RDX: variants seen among roughly 807,000 people sequenced by gnomAD.
The protein encoded by RDX is deafness, autosomal recessive 24.
In RDX, 32 loss-of-function variants were observed where a neutral mutation model predicts 83.7. The observed-to-expected ratio is 0.38, with a 90% confidence interval of 0.29 to 0.51. The LOEUF (loss-of-function observed/expected upper bound fraction) is 0.51, where lower values mean the gene tolerates loss of function less well. RDX is among the 20% of genes least tolerant of loss of function. The probability of loss-of-function intolerance (pLI) is 0.87; values close to 1 mark genes in which losing one functional copy is unlikely to be tolerated. For synonymous variants in RDX, 229 were observed against 222.7 expected, an observed-to-expected ratio of 1.03 and a Z score of -0.25; for missense variants, 600 against 689.9, an observed-to-expected ratio of 0.87 and a Z score of 1.46.
At chr11:110,283,689 G>A (rs557494604) in intron 1 of RDX, among the ~76,000 whole-genome samples, 14 of 151,944 alleles carry the variant, frequency 9.2e-5, no homozygotes, top group African/African-American at 2.9e-4. Flanking sequence ...GCAAGACCCC[G>A]TCTCTATGTT....
At chr11:110,287,018 T>A (rs968116797) in intron 1 of RDX, 1 of 152,224 alleles carries the variant, frequency 6.6e-6, no homozygotes, top group East Asian at 1.9e-4. Flanking sequence ...ATATATATGC[T>A]TTTTTAATAC....
chr11:110,279,705 T>C lies in RDX; in HGVS notation c.-13A>G. ...CTGGTTTCGGCATTTTCTTTCTCTT[T>C]TTGTTACCTTCTTTAAAAATTCTCC... On this transcript the variant is annotated 5_prime_UTR_variant, in exon 2 of 14. Transcript: ENST00000645495. The C allele has an allele frequency of 6.6e-7, 1 of 1,521,362 alleles. No individual in the cohort carries two copies. The highest frequency in any genetic ancestry group is 9.1e-7 in the Non-Finnish European group (1 of 1,097,978). 94.2% of individuals were successfully genotyped at this position (1,521,362 alleles called of 1,614,324 possible). A position where few individuals can be genotyped will look rare whatever the true frequency, so the allele number is the denominator to read the frequency against.
intron 14 of RDX, among the ~76,000 whole-genome samples, chr11:110,207,083 C>A (rs144426083): frequency 6.6e-6 from 1 of 152,152 alleles, no homozygotes; most frequent in Non-Finnish European, 1.5e-5. Context: ...AGCCAATTCT[C>A]AAGCCTCAGC....
chr11:110,189,262 A>AAAAAAAAAAAAAAAAAAC (rs1863057073), intron 15 of RDX, among the ~76,000 whole-genome samples: 1 of 145,910 alleles, frequency 6.9e-6, no homozygotes, highest in Non-Finnish European at 1.5e-5. Context: ...AAAAAAAAAA[A>AAAAAAAAAAAAAAAAAAC]AAAAAAGACA....
intron 12 of RDX, 147 bp from the exon 13 acceptor site, chr11:110,233,626 T>A (rs1397926077): frequency 1.3e-6 from 1 of 790,316 alleles, no homozygotes; most frequent in African/African-American, 1.7e-5. Flanking sequence ...CATAAAAGAA[T>A]GTCAACAGGT....
intron 3 of RDX, among the ~76,000 whole-genome samples, chr11:110,265,988 T>C (rs1043080731): frequency 2.0e-5 from 3 of 152,122 alleles, no homozygotes; most frequent in African/African-American, 2.4e-5. Context: ...TTAAAATCCA[T>C]AGCATCTCAC....
At chr11:110,263,686 C>A (rs1034542803) in intron 5 of RDX, among the ~76,000 whole-genome samples, 2 of 151,746 alleles carry the variant, frequency 1.3e-5, no homozygotes, top group East Asian at 3.9e-4. Context: ...CATGATGAAA[C>A]CCCATCTCAA....
intron 14 of RDX, among the ~76,000 whole-genome samples, chr11:110,217,773 G>A (rs891243507): frequency 6.6e-6 from 1 of 152,096 alleles, no homozygotes; most frequent in Non-Finnish European, 1.5e-5. Context: ...TTGTTCCTGA[G>A]GCGACTGCTG....
At chr11:110,279,954 A>G (rs1191812609) in intron 1 of RDX, among the ~76,000 whole-genome samples, 198 bp from the exon 2 acceptor site, 4 of 152,208 alleles carry the variant, frequency 2.6e-5, no homozygotes. Context: ...GATTAAAAAT[A>G]CCACACATCT....
chr11:110,267,841 CT>C, intron 3 of RDX, among the ~76,000 whole-genome samples: 1 of 150,282 alleles, frequency 6.7e-6, no homozygotes, highest in East Asian at 2.0e-4. Context: ...GTAGTTCTAG[CT>C]AATCAGGAGG....
chr11:110,222,431 G>A (rs1477182341), intron 14 of RDX, among the ~76,000 whole-genome samples: 1 of 152,106 alleles, frequency 6.6e-6, no homozygotes, highest in African/African-American at 2.4e-5. Context: ...CTAATTCCAG[G>A]TCTTATATTG....
intron 14 of RDX, among the ~76,000 whole-genome samples, chr11:110,204,320 T>C (rs76175057): frequency 0.016 from 2,452 of 150,842 alleles, 70 homozygotes; most frequent in East Asian, 0.12. Flanking sequence ...TTTTCAAATG[T>C]AACTCTGAAA....
chr11:110,205,961 G>A (rs899644658), intron 14 of RDX, among the ~76,000 whole-genome samples: 12 of 151,886 alleles, frequency 7.9e-5, no homozygotes, highest in Non-Finnish European at 1.5e-4. Context: ...AAAAATACTC[G>A]TAACAATCCT....
At chr11:110,270,477 T>C (rs1006001456) in intron 3 of RDX, among the ~76,000 whole-genome samples, 9 of 152,328 alleles carry the variant, frequency 5.9e-5, no homozygotes, top group African/African-American at 2.2e-4. Flanking sequence ...ATGCGGCACA[T>C]GACACTGTAT....
intron 15 of RDX, among the ~76,000 whole-genome samples, chr11:110,180,704 G>A (rs985440590): frequency 1.3e-5 from 2 of 150,796 alleles, no homozygotes; most frequent in Admixed American, 1.3e-4. Flanking sequence ...ATGCTGGAGT[G>A]CAGTGGTGCG....
intron 3 of RDX, among the ~76,000 whole-genome samples, chr11:110,268,872 A>G (rs1457576508): frequency 6.6e-6 from 1 of 151,912 alleles, no homozygotes; most frequent in Non-Finnish European, 1.5e-5. Flanking sequence ...GCACGTAACT[A>G]TAACATAGGT....
chr11:110,259,101 G>GT (rs1591160167), intron 5 of RDX, among the ~76,000 whole-genome samples: 1 of 151,700 alleles, frequency 6.6e-6, no homozygotes, highest in Non-Finnish European at 1.5e-5. Context: ...TTTTTTGTGT[G>GT]TTTTTTTGGT....
intron 14 of RDX, among the ~76,000 whole-genome samples, chr11:110,221,601 AACACACACACACACACACACACACACAC>A (rs60766252): frequency 7.5e-6 from 1 of 133,508 alleles, no homozygotes; most frequent in Non-Finnish European, 1.6e-5. Flanking sequence ...CTGTCTCCAA[AACACACACACACACACACACACACACAC>A]ACACACACAC....
Position 110,231,781 on chromosome 11 carries a change from T to C in RDX, c.*88A>G. ...AACTGGTGTAAGTGCTTTGGCAAGG[T>C]GGGATGCATTCCATCATATCTGCAA... is the stretch of plus-strand genomic sequence containing the variant. On this transcript the variant is annotated 3_prime_UTR_variant, in exon 14 of 14. Coordinates refer to ENST00000645495, the MANE Select transcript of RDX (RefSeq NM_002906.4). 1.4e-6 allele frequency: 2 copies of C among 1,433,332 alleles called. No homozygotes were observed. The highest frequency in any genetic ancestry group is 2.0e-6 in the Non-Finnish European group (2 of 1,023,968). 88.8% of individuals were successfully genotyped at this position (1,433,332 alleles called of 1,614,324 possible). A position where few individuals can be genotyped will look rare whatever the true frequency, so the allele number is the denominator to read the frequency against.
Sources: allele counts gnomAD v4.1 joint callset (sites outside exome capture counted in the v4.1 genomes callset), GRCh38; gene constraint gnomAD v4.1.1; transcripts MANE v1.5; gene names NCBI Gene and HGNC (gene_info 2026-07-23, HGNC 2026-07-21).